The following SLC9A9 variants were observed in gnomAD, a reference collection of about 807,000 sequenced individuals.
SLC9A9 encodes the protein solute carrier family 9 member A9.
SLC9A9 carries 62 observed loss-of-function variants against 77.8 expected under a neutral mutation model. The observed-to-expected ratio is 0.80, with a 90% CI of 0.65 to 0.98. The LOEUF (loss-of-function observed/expected upper bound fraction) is 0.98, where lower values mean the gene tolerates loss of function less well. Ranked by LOEUF, SLC9A9 falls within the 50% of genes least tolerant of loss-of-function variation. SLC9A9 has a pLI of 0.00. For synonymous variants in SLC9A9, 320 were observed against 283.5 expected, an observed-to-expected ratio of 1.13 and a Z score of -1.29; for missense variants, 775 against 774.9, an observed-to-expected ratio of 1.00 and a Z score of 0.00.
At chr3:143,621,075 CCCA>C in intron 6 of SLC9A9, among the ~76,000 whole-genome samples, 1 of 152,210 alleles carries the variant, frequency 6.6e-6, no homozygotes, top group East Asian at 1.9e-4. Flanking sequence ...GGGAGGGGCG[CCCA>C]CCATTGCCAA....
intron 6 of SLC9A9, among the ~76,000 whole-genome samples, chr3:143,597,822 G>A (rs143311206): frequency 2.0e-5 from 3 of 152,340 alleles, no homozygotes; most frequent in South Asian, 2.1e-4. Context: ...ATTTATCAAA[G>A]CTGTAAGGAA....
chr3:143,828,110 C>T (rs563537197), intron 2 of SLC9A9, among the ~76,000 whole-genome samples: 39 of 152,316 alleles, frequency 2.6e-4, no homozygotes, highest in African/African-American at 8.7e-4. Flanking sequence ...TATCTCTTCT[C>T]TAACCAGTAG....
chr3:143,328,013 C>G (rs186556845), intron 14 of SLC9A9, among the ~76,000 whole-genome samples: 39 of 152,252 alleles, frequency 2.6e-4, no homozygotes, highest in Admixed American at 1.7e-3. Context: ...TTTCTGTATG[C>G]ACAAGTACTA....
chr3:143,618,770 G>T (rs1011835817), intron 6 of SLC9A9, among the ~76,000 whole-genome samples: 1 of 152,160 alleles, frequency 6.6e-6, no homozygotes, highest in Non-Finnish European at 1.5e-5. Context: ...AAACTGAAAT[G>T]CCACTTTCAT....
At chr3:143,582,568 G>A (rs1046014622) in intron 6 of SLC9A9, among the ~76,000 whole-genome samples, 1 of 152,192 alleles carries the variant, frequency 6.6e-6, no homozygotes, top group Non-Finnish European at 1.5e-5. Flanking sequence ...GGCTGAACTA[G>A]TCACTTTTGC....
At chr3:143,613,463 A>T (rs1458484669) in intron 6 of SLC9A9, among the ~76,000 whole-genome samples, 1 of 152,198 alleles carries the variant, frequency 6.6e-6, no homozygotes, top group African/African-American at 2.4e-5. Flanking sequence ...ATGACCACAA[A>T]ATCTTCCAGA....
At chr3:143,671,216 C>T (rs899819187) in intron 5 of SLC9A9, among the ~76,000 whole-genome samples, 3 of 152,162 alleles carry the variant, frequency 2.0e-5, no homozygotes, top group Non-Finnish European at 4.4e-5. Flanking sequence ...TAATTTGCTG[C>T]CAATCCGTGG....
At chr3:143,333,217 G>A (rs956113366) in intron 14 of SLC9A9, among the ~76,000 whole-genome samples, 1 of 151,922 alleles carries the variant, frequency 6.6e-6, no homozygotes, top group Non-Finnish European at 1.5e-5. Context: ...TGAACAAACA[G>A]TACCAAGAAC....
chr3:143,766,201 GA>G (rs2007313836), intron 4 of SLC9A9, among the ~76,000 whole-genome samples: 1 of 152,200 alleles, frequency 6.6e-6, no homozygotes, highest in Non-Finnish European at 1.5e-5. Context: ...GAATAGCATA[GA>G]AGTTCTGTTG....
chr3:143,296,281 T>G (rs1449398634), intron 14 of SLC9A9, among the ~76,000 whole-genome samples: 1 of 152,232 alleles, frequency 6.6e-6, no homozygotes, highest in Non-Finnish European at 1.5e-5. Context: ...AGTTTAATTA[T>G]TTTGGATACC....
chr3:143,276,751 C>A (rs1195391141), intron 14 of SLC9A9, among the ~76,000 whole-genome samples: 1 of 151,914 alleles, frequency 6.6e-6, no homozygotes, highest in Non-Finnish European at 1.5e-5. Context: ...TGGTTCTTAA[C>A]CTTCCCTGGC....
At chr3:143,330,680 A>G (rs2031740740) in intron 14 of SLC9A9, among the ~76,000 whole-genome samples, 1 of 152,210 alleles carries the variant, frequency 6.6e-6, no homozygotes, top group Non-Finnish European at 1.5e-5. Flanking sequence ...CACAATGCTT[A>G]ACTGTGTTAT....
chr3:143,534,265 T>A (rs894118320), intron 9 of SLC9A9, among the ~76,000 whole-genome samples: 2 of 152,256 alleles, frequency 1.3e-5, no homozygotes, highest in Admixed American at 1.3e-4. Context: ...AAAATGATTT[T>A]AAATAATGTG....
At position 143,440,593 on chromosome 3, in the gene SLC9A9, G is replaced by C. The variant is rs1015504291; in HGVS notation, c.1469+26444C>G. On this transcript the variant is annotated intron_variant, in intron 12 of 15. Coordinates refer to ENST00000316549, the MANE Select transcript of SLC9A9 (RefSeq NM_173653.4). ...TCACGATGCTCTTCATGTTCCACAG[G>C]GTATCCCACCGGGTAAATGAAGCTG... Among the ~76,000 whole-genome samples, 4 of 152,072 alleles carry C rather than the reference G, an allele frequency of 2.6e-5. No homozygotes were observed. In the East Asian group the frequency reaches 7.7e-4, roughly 29 times the overall value.
chr3:143,450,041 G>GCGTATATACATATAA (rs1559922041), intron 12 of SLC9A9, among the ~76,000 whole-genome samples: 1 of 101,618 alleles, frequency 9.8e-6, no homozygotes, highest in African/African-American at 4.0e-5. Flanking sequence ...ATACATATAT[G>GCGTATATACATATAA]TATATATACA....
chr3:143,490,478 C>G (rs1272891957), intron 11 of SLC9A9, among the ~76,000 whole-genome samples: 1 of 151,858 alleles, frequency 6.6e-6, no homozygotes, highest in Non-Finnish European at 1.5e-5. Flanking sequence ...TGGTCAAAAT[C>G]AAAGAGACAG....
At chr3:143,348,242 G>A (rs151175392) in intron 14 of SLC9A9, among the ~76,000 whole-genome samples, 2,747 of 152,166 alleles carry the variant, frequency 0.018, 107 homozygotes, top group East Asian at 0.11. Flanking sequence ...TGATCCACCC[G>A]CCTTGGCCTC....
At chr3:143,384,832 GCC>G in intron 12 of SLC9A9, among the ~76,000 whole-genome samples, 1 of 152,102 alleles carries the variant, frequency 6.6e-6, no homozygotes, top group South Asian at 2.1e-4. Context: ...CACGGTCCTT[GCC>G]CACACAGGGC....
chr3:143,381,878 T>C, intron 13 of SLC9A9, 182 bp downstream of exon 13: 1 of 703,664 alleles, frequency 1.4e-6, no homozygotes, highest in South Asian at 1.7e-5. Flanking sequence ...TAAGCATTCA[T>C]ATGCTAGAAG....
Sources: gnomAD v4.1 joint callset for allele counts (sites outside exome capture counted in the v4.1 genomes callset) on GRCh38, gnomAD v4.1.1 for gene constraint, MANE v1.5 for transcripts, NCBI Gene and HGNC (gene_info 2026-07-23, HGNC 2026-07-21) for gene names.